The following ERVFRD-1 variants were observed in gnomAD, a reference collection of about 807,000 sequenced individuals.
ERVFRD-1 encodes syncytin-2.
ERVFRD-1 carries 33 observed loss-of-function variants against 43.8 expected under a neutral mutation model. The observed-to-expected ratio is 0.75, with a 90% CI of 0.57 to 1.01. The LOEUF is 1.01. Among genes scored for constraint, ERVFRD-1 ranks in the 50% least tolerant of loss-of-function variants. The pLI, the probability that ERVFRD-1 is intolerant of heterozygous loss-of-function variation, is 0.00. For missense variants in ERVFRD-1, 568 were observed against 658.4 expected (o/e 0.86, Z 1.50); for synonymous variants, 239 against 244.4 (o/e 0.98, Z 0.21).
intron 1 of ERVFRD-1, among the ~76,000 whole-genome samples, chr6:11,108,454 G>T (rs1469651955): frequency 6.6e-6 from 1 of 152,208 alleles, no homozygotes; most frequent in Non-Finnish European, 1.5e-5. Context: ...TTTCAGGGTA[G>T]TCCTGTTTCC....
chr6:11,103,656 C>G lies in ERVFRD-1; in HGVS notation c.*38G>C. 6.6e-7 allele frequency: 1 copy of G among 1,505,302 alleles called. No individual in the cohort carries two copies. The highest frequency in any genetic ancestry group is 8.9e-7 in the Non-Finnish European group (1 of 1,124,896). 93.2% of individuals were successfully genotyped at this position (1,505,302 alleles called of 1,614,324 possible). A position where few individuals can be genotyped will look rare whatever the true frequency, so the allele number is the denominator to read the frequency against. On this transcript the variant is annotated 3_prime_UTR_variant, in exon 2 of 2. Coordinates refer to ENST00000472091, the MANE Select transcript of ERVFRD-1 (RefSeq NM_207582.3). ...CGGGAGACGGGGCAGGATTTCGCCTCTGTCGTGTTCCACTAGCGAGCAGTC... is the reference window on the plus strand; with the variant it reads ...CGGGAGACGGGGCAGGATTTCGCCTGTGTCGTGTTCCACTAGCGAGCAGTC...
intron 1 of ERVFRD-1, among the ~76,000 whole-genome samples, chr6:11,109,600 A>G (rs1383297206): frequency 6.6e-6 from 1 of 152,214 alleles, no homozygotes. Context: ...GCCAGCACAT[A>G]GGGGATTTCT....
rs182387083 is a variant in ERVFRD-1 at position 11,109,987 on chromosome 6, A to T, written c.-321+1690T>A. ...TCCTTTGCGTATGGCAGTGTCCCCC[A>T]TTCATTCTAGGGGTTCCAGAATGAA... is the stretch of plus-strand genomic sequence containing the variant. On this transcript the variant is annotated intron_variant, in intron 1 of 1. Coordinates refer to ENST00000472091, the MANE Select transcript of ERVFRD-1 (RefSeq NM_207582.3). Among the ~76,000 whole-genome samples, 288 of 152,260 alleles carry T rather than the reference A, an allele frequency of 1.9e-3. 1 individual carries two copies. The highest frequency in any genetic ancestry group is 6.7e-3 in the African/African-American group (278 of 41,566).
chr6:11,106,558 C>T (rs997338666), intron 1 of ERVFRD-1, among the ~76,000 whole-genome samples: 1 of 152,150 alleles, frequency 6.6e-6, no homozygotes, highest in Admixed American at 6.5e-5. Context: ...TTTAGGTAGA[C>T]GGAGAAGTTC....
chr6:11,106,622 A>G (rs1406715655), intron 1 of ERVFRD-1, among the ~76,000 whole-genome samples: 1 of 152,202 alleles, frequency 6.6e-6, no homozygotes. Context: ...TGGGTGGCCC[A>G]ATCTGTTTCT....
Position 11,104,414 on chromosome 6 carries a change from A to G in ERVFRD-1, c.897T>C (p.Tyr299=), listed in dbSNP as rs114277097. The change falls in exon 2 of 2, where the codon TAT becomes TAC. Residue 299 remains tyrosine (Y), a synonymous_variant. Transcript: ENST00000472091. ...ATTGGTGAATCGACTGGCCACAAATATAAAAGGCTCCTTGAGTTTTAAGGC... is the reference window on the plus strand; with the variant it reads ...ATTGGTGAATCGACTGGCCACAAATGTAAAAGGCTCCTTGAGTTTTAAGGC... ...STCLKTQGAF[Y]ICGQSIHQCL... 294 of 1,551,714 alleles carry G rather than the reference A, an allele frequency of 1.9e-4. 1 individual carries two copies. In the African/African-American group the frequency reaches 3.7e-3, roughly 20 times the overall value.
At position 11,105,275 on chromosome 6, in the gene ERVFRD-1, A is replaced by G; in HGVS notation, c.36T>C (p.Pro12=). The G allele has an allele frequency of 6.2e-7, 1 of 1,614,042 alleles. No individual in the cohort carries two copies. Among genetic ancestry groups the G allele is most frequent in the Non-Finnish European group, 8.5e-7 (1 of 1,179,972 alleles). ...GLLLLVLILT[P]SLAAYRHPDF... ...CAGGATGGCGGTAGGCTGCTAGTGA[A>G]GGCGTGAGAATGAGAACCAGCAGGA... Residue 12 remains proline, a synonymous_variant, in exon 2 of 2, where the codon CCT becomes CCC. Coordinates refer to ENST00000472091, the MANE Select transcript of ERVFRD-1 (RefSeq NM_207582.3).
At chr6:11,106,967 C>G (rs1481859260) in intron 1 of ERVFRD-1, among the ~76,000 whole-genome samples, 1 of 152,208 alleles carries the variant, frequency 6.6e-6, no homozygotes, top group Non-Finnish European at 1.5e-5. Flanking sequence ...TTTCTTTCCC[C>G]TAGTTTAGGG....
At position 11,105,291 on chromosome 6, in the gene ERVFRD-1, A is replaced by G. The variant is rs1758068646; in HGVS notation, c.20T>C (p.Val7Ala). 1 of 1,613,526 alleles carries G rather than the reference A, an allele frequency of 6.2e-7. No individual in the cohort carries two copies. The highest frequency in any genetic ancestry group is 1.7e-5 in the Admixed American group (1 of 59,970). MGLLLL[V>A]LILTPSLAAY... ...TGCTAGTGAAGGCGTGAGAATGAGA[A>G]CCAGCAGGAGCAGGCCCATGGTGAC... The change falls in exon 2 of 2, where the codon GTT becomes GCT. Residue 7 changes from valine (V) to alanine (A), a missense_variant. Transcript: ENST00000472091.
At chr6:11,107,279 A>G (rs932959379) in intron 1 of ERVFRD-1, among the ~76,000 whole-genome samples, 2 of 152,194 alleles carry the variant, frequency 1.3e-5, no homozygotes, top group East Asian at 1.9e-4. Context: ...ACTGTTACCT[A>G]TGGGTTTTCT....
Position 11,103,588 on chromosome 6 carries a change from G to T in ERVFRD-1, c.*106C>A. 6.9e-7 allele frequency: 1 copy of T among 1,442,898 alleles called. No individual in the cohort carries two copies. The highest frequency in any genetic ancestry group is 9.1e-7 in the Non-Finnish European group (1 of 1,098,538). 89.4% of individuals were successfully genotyped at this position (1,442,898 alleles called of 1,614,324 possible). A position where few individuals can be genotyped will look rare whatever the true frequency, so the allele number is the denominator to read the frequency against. Reference sequence around the variant, plus strand: ...GGCCTCTTGCTAGCTGTCAGGGCAGGATGGCTCTGTGGATTGGCAAAAACC... The same window carrying T: ...GGCCTCTTGCTAGCTGTCAGGGCAGTATGGCTCTGTGGATTGGCAAAAACC... On this transcript the variant is annotated 3_prime_UTR_variant, in exon 2 of 2. Transcript: ENST00000472091.
chr6:11,110,423 T>G (rs7753998), intron 1 of ERVFRD-1, among the ~76,000 whole-genome samples: 32,846 of 152,116 alleles, frequency 0.22, 3,988 homozygotes, highest in East Asian at 0.47. Flanking sequence ...ACAGAATGAT[T>G]ATCTCTTCTC....
At chr6:11,108,598 T>C (rs1758122939) in intron 1 of ERVFRD-1, among the ~76,000 whole-genome samples, 1 of 152,226 alleles carries the variant, frequency 6.6e-6, no homozygotes, top group African/African-American at 2.4e-5. Context: ...CCCTGGGGCC[T>C]GCCAGAGGTG....
intron 1 of ERVFRD-1, among the ~76,000 whole-genome samples, chr6:11,107,787 TG>T (rs1356798601): frequency 6.6e-6 from 1 of 152,168 alleles, no homozygotes; most frequent in South Asian, 2.1e-4. Context: ...ACAGGTAAGA[TG>T]GGGTGTTATA....
At chr6:11,109,669 T>G (rs1210508345) in intron 1 of ERVFRD-1, among the ~76,000 whole-genome samples, 1 of 152,248 alleles carries the variant, frequency 6.6e-6, no homozygotes, top group Admixed American at 6.5e-5. Context: ...TTTAAATTTG[T>G]GCTTCTATTT....
rs890750916 is a variant in ERVFRD-1, at chr6:11,103,420, C to T, written c.*274G>A. The T allele has an allele frequency of 4.8e-6, 2 of 420,722 alleles. No homozygotes were observed. Among genetic ancestry groups the T allele is most frequent in the Non-Finnish European group, 8.3e-6 (2 of 240,392 alleles). The allele number at this position is 420,722 out of a possible 1,614,324, so 26.1% of individuals were successfully genotyped here. A position where few individuals can be genotyped will look rare whatever the true frequency, so the allele number is the denominator to read the frequency against. ...GGTGAGGGGGCCCTCCCCTGCCCTGCTCATGTCTGACTAGCTACCTGCTCC... is the reference window on the plus strand; with the variant it reads ...GGTGAGGGGGCCCTCCCCTGCCCTGTTCATGTCTGACTAGCTACCTGCTCC... On this transcript the variant is annotated 3_prime_UTR_variant, in exon 2 of 2. Coordinates refer to ENST00000472091, the MANE Select transcript of ERVFRD-1 (RefSeq NM_207582.3).
At chr6:11,110,842 C>G (rs1389352102) in intron 1 of ERVFRD-1, among the ~76,000 whole-genome samples, 1 of 152,158 alleles carries the variant, frequency 6.6e-6, no homozygotes, top group Admixed American at 6.5e-5. Flanking sequence ...GAGAATTTTC[C>G]TTCCCCACAA....
rs180715443 is a variant in ERVFRD-1, at chr6:11,106,386, C to G, written c.-320-756G>C. 3.8e-4 allele frequency among the ~76,000 whole-genome samples: 58 copies of G among 152,368 alleles called. 1 individual carries two copies. Among genetic ancestry groups the G allele is most frequent in the African/African-American group, 1.2e-3 (50 of 41,586 alleles). ...TTACTGATGGAGAGGGCTTCCCCGT[C>G]TGGGGATTATTTATAGTGCACAAAG... is the stretch of plus-strand genomic sequence containing the variant. On this transcript the variant is annotated intron_variant, in intron 1 of 1. Transcript: ENST00000472091.
At chr6:11,107,500 G>T (rs912772434) in intron 1 of ERVFRD-1, among the ~76,000 whole-genome samples, 38 of 152,150 alleles carry the variant, frequency 2.5e-4, no homozygotes, top group Non-Finnish European at 1.0e-4. Context: ...AGACCAATGG[G>T]GACTGTCTCT....
Sources: allele counts gnomAD v4.1 joint callset (sites outside exome capture counted in the v4.1 genomes callset), GRCh38; gene constraint gnomAD v4.1.1; transcripts MANE v1.5; gene names NCBI Gene and HGNC (gene_info 2026-07-23, HGNC 2026-07-21).